The following ROBO1 variants were observed in gnomAD, a reference collection of about 807,000 sequenced individuals.
The protein encoded by ROBO1 is roundabout guidance receptor 1, also known as roundabout homolog 1.
Under a neutral mutation model 195.9 loss-of-function variants are expected in ROBO1, and 149 were observed. The observed-to-expected ratio is 0.76, with a 90% CI of 0.67 to 0.87. ROBO1 has a LOEUF of 0.87. Ranked by LOEUF, ROBO1 falls within the 40% of genes least tolerant of loss-of-function variation. The probability of loss-of-function intolerance (pLI) is 0.00; values close to 1 mark genes in which losing one functional copy is unlikely to be tolerated. For missense variants in ROBO1, 1,933 were observed against 2,068.3 expected (o/e 0.93, Z 1.27); for synonymous variants, 816 against 733.2 (o/e 1.11, Z -1.82).
intron 4 of ROBO1, among the ~76,000 whole-genome samples, chr3:78,788,308 CG>C (rs1340367333): frequency 3.3e-5 from 5 of 151,124 alleles, no homozygotes; most frequent in Middle Eastern, 3.4e-3. Flanking sequence ...TTAGTAGAGA[CG>C]GGGTTTCACC....
intron 3 of ROBO1, among the ~76,000 whole-genome samples, chr3:79,018,255 G>A (rs1339325126): frequency 6.6e-6 from 1 of 152,160 alleles, no homozygotes; most frequent in Non-Finnish European, 1.5e-5. Context: ...ATGCGAACTA[G>A]GAACATTTTC....
intron 8 of ROBO1, among the ~76,000 whole-genome samples, chr3:78,704,295 G>GT (rs2107963501): frequency 6.6e-6 from 1 of 152,152 alleles, no homozygotes; most frequent in Non-Finnish European, 1.5e-5. Flanking sequence ...GAAGGACCCA[G>GT]TTTTTTCTCT....
At chr3:79,031,395 G>A (rs983406513) in intron 3 of ROBO1, among the ~76,000 whole-genome samples, 11 of 152,170 alleles carry the variant, frequency 7.2e-5, no homozygotes, top group African/African-American at 2.7e-4. Context: ...ACAAGATAAA[G>A]GAATATCTCA....
At chr3:78,717,953 A>G (rs911564103) in intron 5 of ROBO1, 70 bp from the exon 6 acceptor site, 1 of 1,460,004 alleles carries the variant, frequency 6.8e-7, no homozygotes, top group Non-Finnish European at 9.5e-7. Flanking sequence ...AGATGTCTTC[A>G]TAAGTGAAGA....
chr3:79,063,094 A>G (rs1559632285), intron 3 of ROBO1, among the ~76,000 whole-genome samples: 1 of 151,938 alleles, frequency 6.6e-6, no homozygotes, highest in African/African-American at 2.4e-5. Flanking sequence ...TTCTGCTGCA[A>G]CTACACAACT....
intron 3 of ROBO1, among the ~76,000 whole-genome samples, chr3:79,073,865 C>A (rs2079128169): frequency 6.6e-6 from 1 of 151,032 alleles, no homozygotes. Context: ...CAACAAGGGT[C>A]TGCTGCAAGC....
chr3:78,677,284 T>G (rs9812828), intron 10 of ROBO1, among the ~76,000 whole-genome samples: 43,124 of 151,908 alleles, frequency 0.28, 6,499 homozygotes, highest in African/African-American at 0.38. Context: ...AAAATAACCA[T>G]CTAACATCAT....
intron 19 of ROBO1, among the ~76,000 whole-genome samples, chr3:78,649,607 T>TACTG (rs1296891142): frequency 6.6e-6 from 1 of 152,210 alleles, no homozygotes; most frequent in African/African-American, 2.4e-5. Flanking sequence ...TTCTTAAAAT[T>TACTG]ACTGGCATTG....
intron 4 of ROBO1, among the ~76,000 whole-genome samples, chr3:78,876,630 A>C (rs1397365339): frequency 6.6e-6 from 1 of 152,206 alleles, no homozygotes; most frequent in African/African-American, 2.4e-5. Flanking sequence ...TTTAAACCAA[A>C]TAGAAAGTCA....
chr3:79,253,320 G>A (rs1342732385), intron 2 of ROBO1, among the ~76,000 whole-genome samples: 1 of 152,110 alleles, frequency 6.6e-6, no homozygotes, highest in Non-Finnish European at 1.5e-5. Flanking sequence ...AGCAGTTTGG[G>A]TATTAAGAGA....
chr3:79,091,572 GA>G (rs1320021138), intron 3 of ROBO1, among the ~76,000 whole-genome samples: 1 of 2,274 alleles, frequency 4.4e-4, no homozygotes, highest in African/African-American at 9.7e-4. Flanking sequence ...TATGATGCTC[GA>G]ATTTTAATAG....
chr3:79,095,427 T>A (rs1366203831), intron 3 of ROBO1, among the ~76,000 whole-genome samples: 1 of 151,962 alleles, frequency 6.6e-6, no homozygotes, highest in Non-Finnish European at 1.5e-5. Context: ...CCTATGGAGA[T>A]TTCCATGTTT....
intron 25 of ROBO1, among the ~76,000 whole-genome samples, chr3:78,628,311 TCAGTC>T (rs1238906864): frequency 6.6e-6 from 1 of 152,236 alleles, no homozygotes; most frequent in African/African-American, 2.4e-5. Context: ...GTCAACCTGT[TCAGTC>T]CAATACAACC....
At chr3:78,832,298 A>T (rs2032298102) in intron 4 of ROBO1, among the ~76,000 whole-genome samples, 1 of 152,048 alleles carries the variant, frequency 6.6e-6, no homozygotes. Context: ...TCCTTTCTAA[A>T]CTCAAAATAT....
chr3:79,334,372 A>G (rs1322112668), intron 2 of ROBO1, among the ~76,000 whole-genome samples: 1 of 147,114 alleles, frequency 6.8e-6, no homozygotes, highest in Non-Finnish European at 1.5e-5. Context: ...ATGTATATAT[A>G]TTTTATATAT....
At chr3:79,673,144 C>T (rs764615186) in intron 1 of ROBO1, among the ~76,000 whole-genome samples, 1 of 151,882 alleles carries the variant, frequency 6.6e-6, no homozygotes, top group African/African-American at 2.4e-5. Flanking sequence ...GAATTATTCT[C>T]GAAAGCCAAA....
At chr3:79,124,084 A>G (rs1204899870) in intron 3 of ROBO1, among the ~76,000 whole-genome samples, 1 of 152,046 alleles carries the variant, frequency 6.6e-6, no homozygotes, top group Non-Finnish European at 1.5e-5. Flanking sequence ...AAAGAATACT[A>G]CCTTGGATTC....
intron 2 of ROBO1, among the ~76,000 whole-genome samples, chr3:79,385,523 G>A (rs955043588): frequency 6.6e-6 from 1 of 151,904 alleles, no homozygotes; most frequent in African/African-American, 2.4e-5. Context: ...TTATCTTTCC[G>A]CAAGACCAGC....
intron 3 of ROBO1, among the ~76,000 whole-genome samples, chr3:79,072,415 GA>G (rs2079105072): frequency 6.6e-6 from 1 of 151,756 alleles, no homozygotes; most frequent in African/African-American, 2.4e-5. Context: ...GGGTGGATGT[GA>G]AAAAAACCAA....
Sources: gnomAD v4.1 joint callset for allele counts (sites outside exome capture counted in the v4.1 genomes callset) on GRCh38, gnomAD v4.1.1 for gene constraint, MANE v1.5 for transcripts, NCBI Gene and HGNC (gene_info 2026-07-23, HGNC 2026-07-21) for gene names.